Variants in SUPT3H observed in about 807,000 individuals in gnomAD.
The protein encoded by SUPT3H is SPT3 homolog, SAGA and STAGA complex component, also known as transcription initiation protein SPT3 homolog.
A neutral mutation model predicts 44.3 loss-of-function variants in SUPT3H; 44 were observed. The observed-to-expected ratio is 0.99, with a 90% confidence interval of 0.78 to 1.28. The LOEUF is 1.28. Among genes scored for constraint, SUPT3H ranks in the 50% most tolerant of loss-of-function variants. SUPT3H has a pLI of 0.00. For missense variants in SUPT3H, 380 were observed against 387.1 expected (o/e 0.98, Z 0.15); for synonymous variants, 124 against 125.6 (o/e 0.99, Z 0.09).
At chr6:44,958,983 C>A (rs934056984) in intron 7 of SUPT3H, among the ~76,000 whole-genome samples, 1 of 148,174 alleles carries the variant, frequency 6.7e-6, no homozygotes, top group African/African-American at 2.5e-5. Context: ...TCTAGTGACT[C>A]TCCTGCCTTG....
intron 2 of SUPT3H, among the ~76,000 whole-genome samples, chr6:45,358,475 C>G (rs947676677): frequency 6.6e-6 from 1 of 152,052 alleles, no homozygotes; most frequent in South Asian, 2.1e-4. Flanking sequence ...GAAATTCTTC[C>G]CATTAAATTG....
chr6:45,366,924 C>A (rs887482857), intron 1 of SUPT3H, among the ~76,000 whole-genome samples: 2 of 152,154 alleles, frequency 1.3e-5, no homozygotes, highest in African/African-American at 4.8e-5. Context: ...ATACTGCTGC[C>A]AAATTTATCT....
intron 3 of SUPT3H, among the ~76,000 whole-genome samples, chr6:45,102,124 CTGTTT>C (rs947035693): frequency 3.0e-4 from 45 of 152,214 alleles, no homozygotes; most frequent in African/African-American, 6.3e-4. Context: ...AAAACAGATT[CTGTTT>C]TATGTAATTT....
At chr6:45,106,845 T>A (rs1219867244) in intron 2 of SUPT3H, among the ~76,000 whole-genome samples, 1 of 152,202 alleles carries the variant, frequency 6.6e-6, no homozygotes, top group African/African-American at 2.4e-5. Flanking sequence ...TTGTACAGTA[T>A]TTTTTAAAGG....
intron 2 of SUPT3H, among the ~76,000 whole-genome samples, chr6:45,149,022 A>G (rs774264078): frequency 6.6e-6 from 1 of 152,182 alleles, no homozygotes; most frequent in Non-Finnish European, 1.5e-5. Context: ...CTTTTAGTAC[A>G]CAATATGTTT....
intron 3 of SUPT3H, among the ~76,000 whole-genome samples, chr6:45,047,038 G>A (rs1789510369): frequency 6.6e-6 from 1 of 152,062 alleles, no homozygotes; most frequent in South Asian, 2.1e-4. Context: ...ATTGAATTTT[G>A]TCGATTAACA....
intron 3 of SUPT3H, among the ~76,000 whole-genome samples, chr6:45,090,310 C>A (rs1477470558): frequency 6.6e-6 from 1 of 152,046 alleles, no homozygotes; most frequent in Non-Finnish European, 1.5e-5. Flanking sequence ...ACCATTCTCT[C>A]TTTTGGAGAA....
In SUPT3H at chr6:44,973,075, C is replaced by CT. The variant is rs138597404; in HGVS notation, c.505-11248dup. 8.7e-3 allele frequency among the ~76,000 whole-genome samples: 1,319 copies of CT among 152,270 alleles called. 23 individuals are homozygous for CT. The highest frequency in any genetic ancestry group is 0.03 in the African/African-American group (1,243 of 41,558). On this transcript the variant is annotated intron_variant, in intron 6 of 10. Transcript: ENST00000371459. ...TTCTCAGAAAATAGGTTTATCTTTT[C>CT]TATCATATCACGAGGCTGCAAATTT...
chr6:45,254,802 A>C (rs936433390), intron 2 of SUPT3H, among the ~76,000 whole-genome samples: 1 of 152,192 alleles, frequency 6.6e-6, no homozygotes, highest in South Asian at 2.1e-4. Context: ...CAAAACATTA[A>C]ACAGAAAATT....
At chr6:45,179,867 C>A (rs1282251864) in intron 2 of SUPT3H, among the ~76,000 whole-genome samples, 1 of 152,132 alleles carries the variant, frequency 6.6e-6, no homozygotes, top group East Asian at 1.9e-4. Flanking sequence ...AAGTTCTGTC[C>A]AGGGCAATTA....
intron 2 of SUPT3H, among the ~76,000 whole-genome samples, chr6:45,347,452 T>C (rs1048222797): frequency 6.6e-6 from 1 of 152,172 alleles, no homozygotes; most frequent in Non-Finnish European, 1.5e-5. Flanking sequence ...TGGCACATAA[T>C]GAACCCAAAA....
Position 44,961,827 on chromosome 6 carries a change from C to A in SUPT3H, c.506G>T (p.Arg169Ile). The A allele has an allele frequency of 6.2e-7, 1 of 1,601,024 alleles. No individual in the cohort carries two copies. The change falls in exon 7 of 11, where the codon AGA becomes ATA. Residue 169 changes from arginine (R) to isoleucine (I), a missense_variant and splice_region_variant. Transcript: ENST00000371459. ...CATAATTCGAGTTTGTCTTTCTGCTCTCTAAAAGATAAAAATACATAACAT... is the reference window on the plus strand; with the variant it reads ...CATAATTCGAGTTTGTCTTTCTGCTATCTAAAAGATAAAAATACATAACAT... The part of the protein sequence containing the change: ...IDEVKQERME[R>I]AERQTRIMDS...
At chr6:44,990,298 G>A (rs1780436290) in intron 6 of SUPT3H, among the ~76,000 whole-genome samples, 1 of 152,000 alleles carries the variant, frequency 6.6e-6, no homozygotes, top group African/African-American at 2.4e-5. Flanking sequence ...CCACATGCGT[G>A]TAGGTTTATT....
intron 2 of SUPT3H, among the ~76,000 whole-genome samples, chr6:45,344,398 C>T (rs894817337): frequency 4.6e-5 from 7 of 152,046 alleles, no homozygotes; most frequent in Non-Finnish European, 1.0e-4. Context: ...ACTTTGTTGC[C>T]CATTCATGCA....
rs955508825 is a variant in SUPT3H at position 45,062,618 on chromosome 6, C to A, written c.187-41986G>T. Reference sequence around the variant, plus strand: ...AGTGGGTGCGCGCACCATGCGCAAGCCGAAGCAGGGCGAGGCATTGCCTCA... The same window carrying A: ...AGTGGGTGCGCGCACCATGCGCAAGACGAAGCAGGGCGAGGCATTGCCTCA... On this transcript the variant is annotated intron_variant, in intron 3 of 10. Transcript: ENST00000371459. Among the ~76,000 whole-genome samples the A allele has an allele frequency of 3.3e-5, 5 of 152,278 alleles. No individual in the cohort carries two copies. The South Asian group carries it at 1.0e-3, about 32-fold the overall frequency.
intron 1 of SUPT3H, among the ~76,000 whole-genome samples, chr6:45,367,041 C>T (rs1342824731): frequency 6.6e-6 from 1 of 152,118 alleles, no homozygotes; most frequent in Non-Finnish European, 1.5e-5. Context: ...AAGGGCTGGG[C>T]CCCACGAAAG....
At chr6:45,127,143 G>A (rs563170984) in intron 2 of SUPT3H, among the ~76,000 whole-genome samples, 130 of 152,104 alleles carry the variant, frequency 8.5e-4, no homozygotes, top group African/African-American at 3.0e-3. Context: ...GTGAAACCCC[G>A]TCTCCACTAA....
At chr6:45,056,229 GGT>G (rs1486036283) in intron 3 of SUPT3H, among the ~76,000 whole-genome samples, 2 of 152,160 alleles carry the variant, frequency 1.3e-5, no homozygotes, top group Non-Finnish European at 2.9e-5. Flanking sequence ...TTACACTGCT[GGT>G]GGGAATGTAA....
chr6:44,856,257 C>G (rs1773702932), intron 10 of SUPT3H, among the ~76,000 whole-genome samples: 1 of 152,202 alleles, frequency 6.6e-6, no homozygotes, highest in South Asian at 2.1e-4. Context: ...CTGCACTCAG[C>G]TCCTGCAGTC....
Sources: gnomAD v4.1 joint callset for allele counts (sites outside exome capture counted in the v4.1 genomes callset) on GRCh38, gnomAD v4.1.1 for gene constraint, MANE v1.5 for transcripts, NCBI Gene and HGNC (gene_info 2026-07-23, HGNC 2026-07-21) for gene names.